Variants in HECW2 observed in about 807,000 individuals in gnomAD.
HECW2 encodes HECT, C2 and WW domain containing E3 ubiquitin protein ligase 2.
In HECW2, 61 loss-of-function variants were observed where a neutral mutation model predicts 175.2. The ratio of observed to expected loss-of-function variants is 0.35; its 90% confidence interval spans 0.28 to 0.43. The LOEUF is 0.43. HECW2 is among the 20% of genes least tolerant of loss of function. The pLI is 1.00. For synonymous variants in HECW2, 671 were observed against 731.0 expected (o/e 0.92, Z 1.32); for missense variants, 1,524 against 2,000.5 (o/e 0.76, Z 4.54).
intron 2 of HECW2, among the ~76,000 whole-genome samples, chr2:196,378,098 A>G (rs1694101943): frequency 6.6e-6 from 1 of 152,176 alleles, no homozygotes; most frequent in Non-Finnish European, 1.5e-5. Context: ...TTGGGAGTCA[A>G]TGGGACTGCC....
intron 2 of HECW2, among the ~76,000 whole-genome samples, chr2:196,397,303 A>G (rs928645858): frequency 2.6e-5 from 4 of 152,220 alleles, no homozygotes; most frequent in African/African-American, 9.6e-5. Flanking sequence ...TGATGCAGGT[A>G]CCAGAGAAAT....
At chr2:196,483,526 C>T (rs934337615) in intron 1 of HECW2, among the ~76,000 whole-genome samples, 2 of 152,102 alleles carry the variant, frequency 1.3e-5, no homozygotes, top group Non-Finnish European at 2.9e-5. Context: ...TCAAGAAAAC[C>T]GATAGTACCT....
rs764153467 is a variant in HECW2, at chr2:196,240,570, T to C, written c.3651-8A>G. Reference sequence around the variant, plus strand: ...TCTCTTCGGATAATTAACCTGTCCATAAAGAGACAATTTAGAAAATACAAA... The same window carrying C: ...TCTCTTCGGATAATTAACCTGTCCACAAAGAGACAATTTAGAAAATACAAA... On this transcript the variant is annotated splice_region_variant and splice_polypyrimidine_tract_variant and intron_variant, in intron 20 of 28. Coordinates refer to ENST00000644978, the MANE Select transcript of HECW2 (RefSeq NM_001348768.2). 10 of 1,579,512 alleles carry C rather than the reference T, an allele frequency of 6.3e-6. No individual in the cohort carries two copies. The East Asian group carries it at 2.0e-4, about 32-fold the overall frequency.
intron 2 of HECW2, among the ~76,000 whole-genome samples, chr2:196,356,947 C>A (rs1339820597): frequency 1.3e-5 from 2 of 152,196 alleles, no homozygotes; most frequent in African/African-American, 4.8e-5. Flanking sequence ...ACTGTATGCA[C>A]AGAGTGAACC....
At chr2:196,400,163 T>C (rs1470277510) in intron 2 of HECW2, among the ~76,000 whole-genome samples, 1 of 152,234 alleles carries the variant, frequency 6.6e-6, no homozygotes, top group African/African-American at 2.4e-5. Flanking sequence ...TCAATAATTT[T>C]TCTAATCACA....
chr2:196,265,410 G>A (rs1031817572), intron 17 of HECW2, among the ~76,000 whole-genome samples: 8 of 152,176 alleles, frequency 5.3e-5, no homozygotes, highest in South Asian at 4.1e-4. Context: ...GCTTGAACCC[G>A]GGAGGCAGAG....
chr2:196,451,920 T>C (rs1021982025), intron 1 of HECW2, among the ~76,000 whole-genome samples: 8 of 152,222 alleles, frequency 5.3e-5, no homozygotes, highest in East Asian at 1.9e-4. Flanking sequence ...AAATAAGAAA[T>C]GATTTATTTC....
intron 2 of HECW2, among the ~76,000 whole-genome samples, chr2:196,407,744 G>A (rs1695002644): frequency 6.6e-6 from 1 of 152,220 alleles, no homozygotes; most frequent in African/African-American, 2.4e-5. Context: ...GCTGCACTTA[G>A]AAGACTATAC....
In HECW2 at chr2:196,201,448, T is replaced by TGG. The variant is rs373576652; in HGVS notation, c.4608-62_4608-61dup. 9.2e-4 allele frequency: 986 copies of TGG among 1,070,248 alleles called. 10 individuals carry two copies. The highest frequency in any genetic ancestry group is 2.7e-3 in the South Asian group (210 of 77,190). 66.3% of individuals were successfully genotyped at this position (1,070,248 alleles called of 1,614,324 possible). A position where few individuals can be genotyped will look rare whatever the true frequency, so the allele number is the denominator to read the frequency against. ...AGGCCGAGTGAAATGAAAATGTGTG[T>TGG]GGTGTGTGTGTGTGTGTGTGTCTGT... On this transcript the variant is annotated intron_variant, in intron 28 of 28. Coordinates refer to ENST00000644978, the MANE Select transcript of HECW2 (RefSeq NM_001348768.2).
At chr2:196,546,438 G>A (rs143983398) in intron 1 of HECW2, among the ~76,000 whole-genome samples, 162 of 152,348 alleles carry the variant, frequency 1.1e-3, no homozygotes, top group African/African-American at 3.8e-3. Context: ...AATTTTACCA[G>A]AATATCTGGC....
intron 2 of HECW2, among the ~76,000 whole-genome samples, chr2:196,382,653 T>G (rs1226492430): frequency 6.6e-6 from 1 of 152,190 alleles, no homozygotes; most frequent in African/African-American, 2.4e-5. Context: ...AATAGCGGAT[T>G]GTATTCTCTG....
intron 10 of HECW2, among the ~76,000 whole-genome samples, chr2:196,311,826 C>T (rs1161076798): frequency 1.3e-5 from 2 of 152,046 alleles, no homozygotes; most frequent in African/African-American, 4.8e-5. Flanking sequence ...ACAAACAAAA[C>T]CCTAAACCTT....
chr2:196,561,491 C>T (rs920977250), intron 1 of HECW2, among the ~76,000 whole-genome samples: 3 of 152,048 alleles, frequency 2.0e-5, no homozygotes, highest in African/African-American at 7.2e-5. Context: ...TCTTTGTGAC[C>T]CACACCCTAT....
chr2:196,366,688 G>A (rs1693754312), intron 2 of HECW2, among the ~76,000 whole-genome samples: 2 of 152,180 alleles, frequency 1.3e-5, no homozygotes, highest in Admixed American at 1.3e-4. Flanking sequence ...AACATCAAGA[G>A]TATTATATTT....
intron 2 of HECW2, among the ~76,000 whole-genome samples, 161 bp downstream of exon 2, chr2:196,432,971 A>T (rs1169366693): frequency 2.0e-5 from 3 of 152,174 alleles, no homozygotes; most frequent in Non-Finnish European, 4.4e-5. Flanking sequence ...GTACTGTTGA[A>T]TCTCCTCCTC....
chr2:196,586,186 T>A (rs534994432), intron 1 of HECW2, among the ~76,000 whole-genome samples: 1 of 152,156 alleles, frequency 6.6e-6, no homozygotes, highest in South Asian at 2.1e-4. Flanking sequence ...TAATTTACAG[T>A]CAATGTGAAC....
At chr2:196,504,187 T>A (rs1366288715) in intron 1 of HECW2, among the ~76,000 whole-genome samples, 1 of 150,798 alleles carries the variant, frequency 6.6e-6, no homozygotes, top group Non-Finnish European at 1.5e-5. Flanking sequence ...TCCCAGCTAC[T>A]CGGGAGGCTG....
chr2:196,217,070 T>C lies in HECW2; in HGVS notation c.4432A>G (p.Ile1478Val), dbSNP rs1338190598. The C allele has an allele frequency of 1.3e-6, 2 of 1,580,800 alleles. No homozygotes were observed. Among genetic ancestry groups the C allele is most frequent in the South Asian group, 1.1e-5 (1 of 87,290 alleles). Residue 1478 changes from isoleucine (I) to valine (V), a missense_variant, in exon 27 of 29, where the codon ATT (isoleucine) becomes GTT (valine). Physicochemically the swap from Ile to Val is conservative, Grantham distance 29 (BLOSUM62 3). This residue lies in a region of HECW2 where 134 missense variants were observed against 287.8 expected (regional missense o/e 0.47). Transcript: ENST00000644978. The stretch of plus-strand genomic sequence containing the variant: ...TCCACTGCAGCCCAGAACCACCGAA[T>C]TACAATATGATTGTCATGGTATCCT... ...RGGYHDNHIV[I>V]RWFWAAVERF...
In HECW2 at chr2:196,237,632, T is replaced by C. The variant is rs75689228; in HGVS notation, c.3764+2817A>G. 4.5e-3 allele frequency among the ~76,000 whole-genome samples: 682 copies of C among 152,364 alleles called. 6 individuals carry two copies. The highest frequency in any genetic ancestry group is 0.016 in the African/African-American group (659 of 41,588). ...GGCTGGTTCCATATTTTGCAAAAGATATTTTTCTACTTTTCTATTCTTCCC... is the reference window on the plus strand; with the variant it reads ...GGCTGGTTCCATATTTTGCAAAAGACATTTTTCTACTTTTCTATTCTTCCC... On this transcript the variant is annotated intron_variant, in intron 21 of 28. Coordinates refer to ENST00000644978, the MANE Select transcript of HECW2 (RefSeq NM_001348768.2).
Sources: gnomAD v4.1 joint callset for allele counts (sites outside exome capture counted in the v4.1 genomes callset) on GRCh38, gnomAD v4.1.1 for gene constraint, gnomAD v4.1.1 regional missense constraint, MANE v1.5 for transcripts, NCBI Gene and HGNC (gene_info 2026-07-23, HGNC 2026-07-21) for gene names.